SPOCK1: variants seen among roughly 807,000 people sequenced by gnomAD.
SPOCK1 encodes the protein SPARC (osteonectin), cwcv and kazal like domains proteoglycan 1.
SPOCK1 carries 23 observed loss-of-function variants against 55.3 expected under a neutral mutation model. The observed-to-expected ratio is 0.42, with a 90% CI of 0.30 to 0.59. SPOCK1 has a LOEUF of 0.59. Among genes scored for constraint, SPOCK1 ranks in the 20% least tolerant of loss-of-function variants. SPOCK1 has a pLI of 0.22. For synonymous variants in SPOCK1, 226 were observed against 221.0 expected, an observed-to-expected ratio of 1.02 and a Z score of -0.20; for missense variants, 499 against 552.5, an observed-to-expected ratio of 0.90 and a Z score of 0.97.
intron 2 of SPOCK1, among the ~76,000 whole-genome samples, chr5:137,341,952 T>C (rs1413872560): frequency 6.6e-6 from 1 of 152,272 alleles, no homozygotes; most frequent in Non-Finnish European, 1.5e-5. Context: ...TTTTCTCTAC[T>C]GCAGGACTTC....
rs111784458 is a variant in SPOCK1 at position 137,377,638 on chromosome 5, G to T, written c.187-110583C>A. Among the ~76,000 whole-genome samples the T allele has an allele frequency of 9.5e-3, 1,449 of 152,070 alleles. 19 individuals carry two copies. The highest frequency in any genetic ancestry group is 0.033 in the African/African-American group (1,360 of 41,474). On this transcript the variant is annotated intron_variant, in intron 2 of 10. Transcript: ENST00000394945. ...TGTGGAATAATAAATTAAGTTTTTGGAAGAATGCAAGACATAAGCAATTCA... is the reference window on the plus strand; with the variant it reads ...TGTGGAATAATAAATTAAGTTTTTGTAAGAATGCAAGACATAAGCAATTCA...
At chr5:137,195,354 G>T (rs1444252862) in intron 3 of SPOCK1, among the ~76,000 whole-genome samples, 5 of 152,230 alleles carry the variant, frequency 3.3e-5, no homozygotes, top group Non-Finnish European at 7.3e-5. Flanking sequence ...GCCTTGATGG[G>T]CAGTGGGCAG....
intron 5 of SPOCK1, among the ~76,000 whole-genome samples, chr5:137,106,436 A>C (rs546654045): frequency 1.6e-4 from 24 of 152,176 alleles, no homozygotes; most frequent in Non-Finnish European, 1.3e-4. Flanking sequence ...GGGCTCCCAG[A>C]TGGTCCAGGA....
At chr5:137,293,253 C>A (rs1472102705) in intron 2 of SPOCK1, among the ~76,000 whole-genome samples, 1 of 152,060 alleles carries the variant, frequency 6.6e-6, no homozygotes, top group Non-Finnish European at 1.5e-5. Flanking sequence ...TATTAGAGCA[C>A]ATGAAATGCT....
intron 4 of SPOCK1, among the ~76,000 whole-genome samples, chr5:137,131,989 A>AAAAAAATATAT (rs1391176339): frequency 1.9e-4 from 7 of 36,056 alleles, no homozygotes; most frequent in Non-Finnish European, 3.0e-4. Context: ...AAAAAAAAAA[A>AAAAAAATATAT]ATATATATAT....
intron 2 of SPOCK1, among the ~76,000 whole-genome samples, chr5:137,290,842 C>T (rs1216425590): frequency 6.6e-6 from 1 of 152,170 alleles, no homozygotes; most frequent in Non-Finnish European, 1.5e-5. Flanking sequence ...TAGTCTCAAC[C>T]CTGACAGGTC....
intron 6 of SPOCK1, among the ~76,000 whole-genome samples, chr5:137,012,157 G>A (rs924756679): frequency 3.9e-5 from 6 of 152,124 alleles, no homozygotes; most frequent in Admixed American, 6.6e-5. Context: ...GTGAGGCGAG[G>A]ATTTTAATTC....
intron 2 of SPOCK1, among the ~76,000 whole-genome samples, chr5:137,436,384 T>C (rs1449012661): frequency 6.6e-6 from 1 of 152,148 alleles, no homozygotes; most frequent in East Asian, 1.9e-4. Context: ...ATATATTAAA[T>C]AATTCATCCT....
intron 3 of SPOCK1, among the ~76,000 whole-genome samples, chr5:137,236,772 C>T (rs759339880): frequency 2.0e-5 from 3 of 152,214 alleles, no homozygotes; most frequent in Non-Finnish European, 2.9e-5. Flanking sequence ...ACTGGTCACA[C>T]ATATAGATGC....
chr5:137,300,447 T>C (rs1340934862), intron 2 of SPOCK1, among the ~76,000 whole-genome samples: 1 of 152,206 alleles, frequency 6.6e-6, no homozygotes, highest in Non-Finnish European at 1.5e-5. Flanking sequence ...GTATAGAACA[T>C]ACTGTTGGCC....
chr5:137,291,031 G>A (rs531338346), intron 2 of SPOCK1, among the ~76,000 whole-genome samples: 26 of 152,172 alleles, frequency 1.7e-4, no homozygotes, highest in Non-Finnish European at 3.7e-4. Flanking sequence ...GAATTTGGGG[G>A]TTGGCCTGAG....
At chr5:137,064,626 G>A (rs1461038851) in intron 6 of SPOCK1, among the ~76,000 whole-genome samples, 2 of 152,090 alleles carry the variant, frequency 1.3e-5, no homozygotes, top group East Asian at 3.9e-4. Flanking sequence ...TCTGTCCACG[G>A]CTAAGTTGCC....
intron 2 of SPOCK1, among the ~76,000 whole-genome samples, chr5:137,305,340 T>G (rs1460705887): frequency 1.3e-5 from 2 of 152,230 alleles, no homozygotes; most frequent in Non-Finnish European, 1.5e-5. Flanking sequence ...CTCTTCTCCC[T>G]GCATAAGGAT....
At chr5:137,169,985 T>C (rs1754720120) in intron 3 of SPOCK1, among the ~76,000 whole-genome samples, 1 of 152,190 alleles carries the variant, frequency 6.6e-6, no homozygotes, top group African/African-American at 2.4e-5. Context: ...AAAAGAGATA[T>C]ACCCATGCAA....
intron 2 of SPOCK1, among the ~76,000 whole-genome samples, chr5:137,388,021 G>A (rs894560547): frequency 1.3e-5 from 2 of 152,100 alleles, no homozygotes; most frequent in Non-Finnish European, 2.9e-5. Context: ...ATAGAATCCA[G>A]GTTTCCCATT....
chr5:137,471,030 T>C (rs142312408), intron 2 of SPOCK1, among the ~76,000 whole-genome samples: 163 of 152,366 alleles, frequency 1.1e-3, no homozygotes, highest in African/African-American at 3.4e-3. Flanking sequence ...AATTGTAATA[T>C]GAGTTAACGG....
chr5:137,402,638 G>A (rs557424162), intron 2 of SPOCK1, among the ~76,000 whole-genome samples: 7 of 152,276 alleles, frequency 4.6e-5, no homozygotes, highest in Admixed American at 2.0e-4. Flanking sequence ...CCTGCTCCCC[G>A]CCTTCCCAGA....
At chr5:137,124,747 G>A (rs775853556) in intron 4 of SPOCK1, among the ~76,000 whole-genome samples, 10 of 152,212 alleles carry the variant, frequency 6.6e-5, no homozygotes, top group Non-Finnish European at 1.3e-4. Flanking sequence ...GGGCCACTGG[G>A]ATGGATGACA....
At chr5:137,457,609 TA>T (rs1753392737) in intron 2 of SPOCK1, among the ~76,000 whole-genome samples, 1 of 152,166 alleles carries the variant, frequency 6.6e-6, no homozygotes, top group Non-Finnish European at 1.5e-5. Context: ...TTCAATGAGA[TA>T]AGCTAATAAG....
Sources: allele counts gnomAD v4.1 joint callset (sites outside exome capture counted in the v4.1 genomes callset), GRCh38; gene constraint gnomAD v4.1.1; transcripts MANE v1.5; gene names NCBI Gene and HGNC (gene_info 2026-07-23, HGNC 2026-07-21).